SEMA3E: variants seen among roughly 807,000 people sequenced by gnomAD.
SEMA3E encodes the protein semaphorin 3E.
SEMA3E carries 49 observed loss-of-function variants against 93.6 expected under a neutral mutation model. That is an observed-to-expected ratio of 0.52 (90% confidence interval 0.42 to 0.66). The LOEUF is 0.66. SEMA3E is among the 30% of genes least tolerant of loss of function. The pLI, the probability that SEMA3E is intolerant of heterozygous loss-of-function variation, is 0.00. For missense variants in SEMA3E, 906 were observed against 964.8 expected, an observed-to-expected ratio of 0.94 and a Z score of 0.81; for synonymous variants, 363 against 330.7, an observed-to-expected ratio of 1.10 and a Z score of -1.06.
intron 4 of SEMA3E, among the ~76,000 whole-genome samples, chr7:83,448,594 A>C (rs1390080889): frequency 2.0e-5 from 3 of 152,236 alleles, no homozygotes; most frequent in Non-Finnish European, 2.9e-5. Context: ...GTTTCAGCAA[A>C]TGTGAAATAT....
intron 1 of SEMA3E, among the ~76,000 whole-genome samples, chr7:83,507,958 C>CA (rs1790738624): frequency 6.6e-6 from 1 of 151,586 alleles, no homozygotes; most frequent in South Asian, 2.1e-4. Context: ...TCACAAAAAA[C>CA]AAAAAACTGA....
chr7:83,368,113 C>T (rs1267223111), intron 16 of SEMA3E, 75 bp from the exon 17 acceptor site: 2 of 1,353,830 alleles, frequency 1.5e-6, no homozygotes, highest in African/African-American at 1.4e-5. Flanking sequence ...TTTCCACTAC[C>T]TATCTTGAAT....
intron 2 of SEMA3E, among the ~76,000 whole-genome samples, chr7:83,474,188 T>A (rs1789962816): frequency 1.3e-5 from 2 of 151,088 alleles, no homozygotes; most frequent in Admixed American, 6.6e-5. Flanking sequence ...GGCATGTAAA[T>A]CCCAGAAGTG....
In SEMA3E at chr7:83,407,377, T is replaced by C. The variant is rs548147555; in HGVS notation, c.671-138A>G. ...TTCATAAAGAAATATTTTTCTTGAA[T>C]TTTTTTACCAAACATTAAAAACTAT... On this transcript the variant is annotated intron_variant, in intron 6 of 16. Transcript: ENST00000643230. The C allele has an allele frequency of 1.0e-4, 83 of 796,024 alleles. 1 individual carries two copies. In the South Asian group the frequency reaches 1.3e-3, roughly 13 times the overall value. 49.3% of individuals were successfully genotyped at this position (796,024 alleles called of 1,614,324 possible). A position where few individuals can be genotyped will look rare whatever the true frequency, so the allele number is the denominator to read the frequency against.
intron 1 of SEMA3E, among the ~76,000 whole-genome samples, chr7:83,644,101 A>T (rs1239399189): frequency 6.6e-6 from 1 of 151,952 alleles, no homozygotes; most frequent in Non-Finnish European, 1.5e-5. Flanking sequence ...GCTCTTTTAG[A>T]ATTCTCTGTC....
At position 83,385,623 on chromosome 7, in the gene SEMA3E, A is replaced by C. The variant is rs376044232; in HGVS notation, c.1736-190T>G. 1.8e-4 allele frequency among the ~76,000 whole-genome samples: 28 copies of C among 152,236 alleles called. 1 individual carries two copies. Among genetic ancestry groups the C allele is most frequent in the African/African-American group, 6.3e-4 (26 of 41,570 alleles). On this transcript the variant is annotated intron_variant, in intron 15 of 16. Coordinates refer to ENST00000643230, the MANE Select transcript of SEMA3E (RefSeq NM_012431.3). ...AAATTTAGGCATGAAACAAGCAAGC[A>C]GGCTATGGGGTGGGACAGAAGTAGG...
chr7:83,371,919 A>G (rs1422363274), intron 16 of SEMA3E: 1 of 193,496 alleles, frequency 5.2e-6, no homozygotes, highest in African/African-American at 2.3e-5. Flanking sequence ...ACACAATACC[A>G]TTTACATTTG....
intron 14 of SEMA3E, among the ~76,000 whole-genome samples, chr7:83,390,082 T>TATAC: frequency 8.1e-6 from 1 of 122,930 alleles, no homozygotes; most frequent in Admixed American, 7.8e-5. Context: ...CGTATACGTG[T>TATAC]GCACATATAT....
intron 4 of SEMA3E, among the ~76,000 whole-genome samples, chr7:83,423,502 G>T (rs946809745): frequency 8.2e-6 from 1 of 122,670 alleles, no homozygotes; most frequent in African/African-American, 2.9e-5. Context: ...TCACTATGAA[G>T]AATTTTTTTT....
intron 4 of SEMA3E, among the ~76,000 whole-genome samples, chr7:83,465,237 C>T (rs1789727144): frequency 6.6e-6 from 1 of 151,936 alleles, no homozygotes; most frequent in African/African-American, 2.4e-5. Context: ...TTTCTTTTAC[C>T]TACCCAAATC....
chr7:83,617,770 CAAAGT>C (rs1306618882), intron 1 of SEMA3E, among the ~76,000 whole-genome samples: 2 of 151,080 alleles, frequency 1.3e-5, no homozygotes, highest in African/African-American at 2.4e-5. Context: ...GGAATTCTGA[CAAAGT>C]AAAGTAGTGT....
At chr7:83,589,789 A>G (rs1046896390) in intron 1 of SEMA3E, among the ~76,000 whole-genome samples, 8 of 152,138 alleles carry the variant, frequency 5.3e-5, no homozygotes, top group Non-Finnish European at 7.4e-5. Context: ...CAAGTGCCCA[A>G]TAGCCACATG....
chr7:83,420,853 CTCTA>C (rs1788658733), intron 4 of SEMA3E, among the ~76,000 whole-genome samples: 3 of 144,918 alleles, frequency 2.1e-5, no homozygotes, highest in African/African-American at 2.5e-5. Context: ...AATATAAGAC[CTCTA>C]ACTATAAGAA....
intron 1 of SEMA3E, among the ~76,000 whole-genome samples, chr7:83,557,632 T>G (rs947256974): frequency 6.6e-6 from 1 of 152,120 alleles, no homozygotes; most frequent in East Asian, 1.9e-4. Context: ...TTTTATAAAT[T>G]AAAACAATGA....
intron 4 of SEMA3E, among the ~76,000 whole-genome samples, chr7:83,426,649 A>G (rs1788773922): frequency 6.6e-6 from 1 of 152,180 alleles, no homozygotes; most frequent in Non-Finnish European, 1.5e-5. Flanking sequence ...AAACCTGCAC[A>G]TGTACTCCCG....
intron 2 of SEMA3E, among the ~76,000 whole-genome samples, chr7:83,474,331 A>T (rs964261669): frequency 2.0e-5 from 3 of 151,966 alleles, no homozygotes; most frequent in Non-Finnish European, 4.4e-5. Flanking sequence ...TTAATTTATT[A>T]TCATAGAAAC....
chr7:83,383,846 A>G (rs1055956784), intron 16 of SEMA3E, among the ~76,000 whole-genome samples: 1 of 152,012 alleles, frequency 6.6e-6, no homozygotes, highest in African/African-American at 2.4e-5. Flanking sequence ...CTGTCTTCTG[A>G]AGCCATTCAG....
intron 16 of SEMA3E, 55 bp from the exon 17 acceptor site, chr7:83,368,093 T>C: frequency 1.3e-6 from 2 of 1,490,894 alleles, no homozygotes; most frequent in Non-Finnish European, 1.9e-6. Flanking sequence ...AAAATAACAA[T>C]CCATCACCCT....
At chr7:83,497,729 A>C (rs1259780176) in intron 1 of SEMA3E, among the ~76,000 whole-genome samples, 2 of 152,186 alleles carry the variant, frequency 1.3e-5, no homozygotes, top group East Asian at 3.9e-4. Flanking sequence ...TCTTTTTAGC[A>C]ATGGACAATC....
Sources: gnomAD v4.1 joint callset for allele counts (sites outside exome capture counted in the v4.1 genomes callset) on GRCh38, gnomAD v4.1.1 for gene constraint, MANE v1.5 for transcripts, NCBI Gene and HGNC (gene_info 2026-07-23, HGNC 2026-07-21) for gene names.